Variants in CCDC93 observed in about 807,000 individuals in gnomAD.
The protein encoded by CCDC93 is coiled-coil domain-containing protein 93.
Under a neutral mutation model 108.2 loss-of-function variants are expected in CCDC93, and 61 were observed. That is an observed-to-expected ratio of 0.56 (90% confidence interval 0.46 to 0.70). The LOEUF (loss-of-function observed/expected upper bound fraction) is 0.70, where lower values mean the gene tolerates loss of function less well. Ranked by LOEUF, CCDC93 falls within the 30% of genes least tolerant of loss-of-function variation. CCDC93 has a pLI of 0.00. For missense variants in CCDC93, 685 were observed against 764.2 expected (o/e 0.90, Z 1.22); for synonymous variants, 276 against 260.4 (o/e 1.06, Z -0.58).
Position 117,958,254 on chromosome 2 carries a change from T to A in CCDC93, c.1005+111A>T, listed in dbSNP as rs750700880. ...ATAAAACTTAATTTACAAAAACAAG[T>A]GGCAACTGGACTGGCCCAAGCACCA... On this transcript the variant is annotated intron_variant, in intron 12 of 23. Transcript: ENST00000376300. 5.7e-5 allele frequency: 39 copies of A among 680,660 alleles called. 1 individual carries two copies. Among genetic ancestry groups the A allele is most frequent in the African/African-American group, 5.6e-4 (31 of 55,696 alleles). The allele number at this position is 680,660 out of a possible 1,614,324, so 42.2% of individuals were successfully genotyped here. A position where few individuals can be genotyped will look rare whatever the true frequency, so the allele number is the denominator to read the frequency against.
Position 117,939,883 on chromosome 2 carries a change from A to G in CCDC93, c.1523-772T>C, listed in dbSNP as rs1473543692. Among the ~76,000 whole-genome samples, 4 of 152,342 alleles carry G rather than the reference A, an allele frequency of 2.6e-5. No individual in the cohort carries two copies. In the East Asian group the frequency reaches 7.7e-4, roughly 29 times the overall value. ...GGACTCAGGTACCAGCTCACAGGCC[A>G]AGATGCAGATGTGCAAGAGGGGTGA... On this transcript the variant is annotated intron_variant, in intron 19 of 23. Coordinates refer to ENST00000376300, the MANE Select transcript of CCDC93 (RefSeq NM_019044.5).
intron 3 of CCDC93, among the ~76,000 whole-genome samples, chr2:118,002,380 A>AAT (rs1676727401): frequency 2.6e-5 from 4 of 152,198 alleles, no homozygotes; most frequent in Non-Finnish European, 5.9e-5. Context: ...CCTCAGTCTT[A>AAT]GTATTAACAG....
chr2:117,921,934 G>A (rs989251353), intron 23 of CCDC93: 2 of 151,800 alleles, frequency 1.3e-5, no homozygotes, highest in African/African-American at 2.4e-5. Context: ...GCAGGGCAGT[G>A]GGGGGACAGA....
intron 2 of CCDC93, among the ~76,000 whole-genome samples, chr2:118,008,002 T>G (rs1421319429): frequency 6.6e-6 from 1 of 152,224 alleles, no homozygotes; most frequent in African/African-American, 2.4e-5. Context: ...TTGTCTCTCA[T>G]CCCCACTCTA....
chr2:118,007,675 A>C (rs1051134321), intron 2 of CCDC93, among the ~76,000 whole-genome samples: 5 of 151,496 alleles, frequency 3.3e-5, no homozygotes, highest in African/African-American at 1.2e-4. Context: ...TCAAACAAAC[A>C]AACAAACAAC....
intron 23 of CCDC93, among the ~76,000 whole-genome samples, chr2:117,923,121 G>A (rs1677936334): frequency 6.6e-6 from 1 of 152,158 alleles, no homozygotes; most frequent in Non-Finnish European, 1.5e-5. Context: ...GAAATATGCA[G>A]GATTTTCAGG....
In CCDC93 at chr2:117,946,682, A is replaced by G. The variant is rs13401821; in HGVS notation, c.1296+129T>C. ...GATACAAATCTAAGAAGGTCACAGAAGGAAAACAGTTGAGGAATGTCTATT... is the reference window on the plus strand; with the variant it reads ...GATACAAATCTAAGAAGGTCACAGAGGGAAAACAGTTGAGGAATGTCTATT... On this transcript the variant is annotated intron_variant, in intron 16 of 23. Coordinates refer to ENST00000376300, the MANE Select transcript of CCDC93 (RefSeq NM_019044.5). 36 of 651,758 alleles carry G rather than the reference A, an allele frequency of 5.5e-5. No homozygotes were observed. The African/African-American group carries it at 5.6e-4, about 10-fold the overall frequency. The allele number at this position is 651,758 out of a possible 1,614,324, so 40.4% of individuals were successfully genotyped here. A position where few individuals can be genotyped will look rare whatever the true frequency, so the allele number is the denominator to read the frequency against.
intron 11 of CCDC93, among the ~76,000 whole-genome samples, chr2:117,973,101 T>A (rs936206409): frequency 3.9e-5 from 6 of 152,226 alleles, no homozygotes; most frequent in African/African-American, 1.4e-4. Flanking sequence ...TGATAACGCC[T>A]CCAGATTACT....
chr2:117,932,481 G>A (rs532868010), intron 22 of CCDC93, among the ~76,000 whole-genome samples: 1 of 152,264 alleles, frequency 6.6e-6, no homozygotes, highest in African/African-American at 2.4e-5. Context: ...CACCACATAT[G>A]GGGACTGATT....
At chr2:117,954,330 A>G (rs1315804167) in intron 12 of CCDC93, among the ~76,000 whole-genome samples, 1 of 152,242 alleles carries the variant, frequency 6.6e-6, no homozygotes, top group Admixed American at 6.5e-5. Flanking sequence ...CAGGGGGTTC[A>G]GGAAACCTTC....
At chr2:117,968,058 C>T (rs1454395254) in intron 11 of CCDC93, among the ~76,000 whole-genome samples, 4 of 152,124 alleles carry the variant, frequency 2.6e-5, no homozygotes, top group Non-Finnish European at 5.9e-5. Context: ...TATTCAGATC[C>T]TTTAGAGCTA....
chr2:117,932,616 T>G (rs534859403), intron 22 of CCDC93, among the ~76,000 whole-genome samples: 16 of 152,266 alleles, frequency 1.1e-4, no homozygotes, highest in Admixed American at 7.2e-4. Flanking sequence ...TTTGGTGCCC[T>G]CCCTTGTGCC....
rs1454388867 is a variant in CCDC93 at position 117,931,328 on chromosome 2, AATTT to A, written c.1729-182_1729-179del. The stretch of plus-strand genomic sequence containing the variant: ...TTTGCATATTACATGGAGGCTCTAC[AATTT>A]ATTCAGCAATTTTTCTATCACTGAG... On this transcript the variant is annotated intron_variant, in intron 22 of 23. Coordinates refer to ENST00000376300, the MANE Select transcript of CCDC93 (RefSeq NM_019044.5). 3 of 537,172 alleles carry A rather than the reference AATTT, an allele frequency of 5.6e-6. No homozygotes were observed. In the African/African-American group the frequency reaches 5.8e-5, roughly 10 times the overall value. 33.3% of individuals were successfully genotyped at this position (537,172 alleles called of 1,614,324 possible). A position where few individuals can be genotyped will look rare whatever the true frequency, so the allele number is the denominator to read the frequency against.
At chr2:117,989,518 A>G (rs1429980911) in intron 6 of CCDC93, among the ~76,000 whole-genome samples, 1 of 152,186 alleles carries the variant, frequency 6.6e-6, no homozygotes, top group Non-Finnish European at 1.5e-5. Flanking sequence ...CACTAGCTGG[A>G]ATGTCACTAC....
intron 16 of CCDC93, among the ~76,000 whole-genome samples, chr2:117,946,063 G>C (rs1365188415): frequency 1.3e-5 from 2 of 152,176 alleles, no homozygotes; most frequent in Non-Finnish European, 2.9e-5. Flanking sequence ...GTATGGCTCG[G>C]GTGAAATAAT....
rs1457996880 is a variant in CCDC93 at position 117,986,071 on chromosome 2, T to A, written c.520-2A>T. On this transcript the variant is annotated splice_acceptor_variant, in intron 6 of 23. Coordinates refer to ENST00000376300, the MANE Select transcript of CCDC93 (RefSeq NM_019044.5). LOFTEE classifies it high-confidence loss of function. ...TTTCCGACGGGGCTTGTACACTTCCTAAGTGGATGAGACAGCCAAGTTACT... is the reference window on the plus strand; with the variant it reads ...TTTCCGACGGGGCTTGTACACTTCCAAAGTGGATGAGACAGCCAAGTTACT... 6.3e-7 allele frequency: 1 copy of A among 1,597,706 alleles called. No individual in the cohort carries two copies. The highest frequency in any genetic ancestry group is 8.6e-7 in the Non-Finnish European group (1 of 1,166,352).
chr2:117,985,544 A>T (rs1422168146), intron 7 of CCDC93: 1 of 271,562 alleles, frequency 3.7e-6, no homozygotes, highest in Non-Finnish European at 5.6e-6. Flanking sequence ...TTTAAACTAG[A>T]GATGTTTTTA....
chr2:117,939,300 G>C (rs1269964273), intron 19 of CCDC93, among the ~76,000 whole-genome samples, 189 bp from the exon 20 acceptor site: 1 of 152,168 alleles, frequency 6.6e-6, no homozygotes, highest in African/African-American at 2.4e-5. Context: ...AATGAAAGGA[G>C]AATGTTGAAG....
chr2:117,997,574 C>A (rs1473758306), intron 4 of CCDC93: 1 of 152,230 alleles, frequency 6.6e-6, no homozygotes, highest in Admixed American at 6.5e-5. Context: ...TCAAGTAAAG[C>A]ACATGTTTAG....
Sources: gnomAD v4.1 joint callset for allele counts (sites outside exome capture counted in the v4.1 genomes callset) on GRCh38, gnomAD v4.1.1 for gene constraint, MANE v1.5 for transcripts, NCBI Gene and HGNC (gene_info 2026-07-23, HGNC 2026-07-21) for gene names.